The following NKAIN3 variants were observed in gnomAD, a reference collection of about 807,000 sequenced individuals.
NKAIN3 encodes sodium/potassium-transporting ATPase subunit beta-1-interacting protein 3.
In NKAIN3, 25 loss-of-function variants were observed where a neutral mutation model predicts 30.2. The ratio of observed to expected loss-of-function variants is 0.83; its 90% CI spans 0.60 to 1.16. The LOEUF is 1.16. Ranked by LOEUF, NKAIN3 falls within the 50% of genes most tolerant of loss-of-function variation. The pLI, the probability that NKAIN3 is intolerant of heterozygous loss-of-function variation, is 0.00. For missense variants in NKAIN3, 225 were observed against 254.1 expected, an observed-to-expected ratio of 0.89 and a Z score of 0.78; for synonymous variants, 91 against 89.6, an observed-to-expected ratio of 1.02 and a Z score of -0.09.
chr8:62,870,675 A>C (rs1454304696), intron 4 of NKAIN3, among the ~76,000 whole-genome samples: 12 of 104,908 alleles, frequency 1.1e-4, no homozygotes, highest in East Asian at 9.2e-4. Flanking sequence ...ATAGATATCT[A>C]TATATCTATA....
intron 3 of NKAIN3, among the ~76,000 whole-genome samples, chr8:62,666,811 CTTACCAA>C (rs1165770238): frequency 1.1e-4 from 16 of 152,016 alleles, no homozygotes; most frequent in Non-Finnish European, 2.9e-5. Context: ...GTTCCAGCTC[CTTACCAA>C]AGGAAAGGAG....
At chr8:62,678,358 A>G (rs1339900822) in intron 3 of NKAIN3, among the ~76,000 whole-genome samples, 1 of 152,176 alleles carries the variant, frequency 6.6e-6, no homozygotes, top group Admixed American at 6.5e-5. Context: ...CTGGGTAGAC[A>G]TTTTTAAAAA....
intron 1 of NKAIN3, among the ~76,000 whole-genome samples, chr8:62,275,569 T>G (rs559924520): frequency 6.6e-6 from 1 of 152,220 alleles, no homozygotes; most frequent in African/African-American, 2.4e-5. Flanking sequence ...TTTTCTAGTT[T>G]AAAGACCAGC....
rs575655157 is a variant in NKAIN3 at position 62,994,089 on chromosome 8, G to A, written c.533-5142G>A. On this transcript the variant is annotated intron_variant, in intron 5 of 5. Coordinates refer to the NKAIN3 transcript ENST00000519049. ...CCATGTGTTAACATTAAAGATGCACGTACCCTTTGACCCAGAAATTTTTAG... is the reference window on the plus strand; with the variant it reads ...CCATGTGTTAACATTAAAGATGCACATACCCTTTGACCCAGAAATTTTTAG... 3.3e-5 allele frequency among the ~76,000 whole-genome samples: 5 copies of A among 152,226 alleles called. No homozygotes were observed. In the South Asian group the frequency reaches 8.3e-4, roughly 25 times the overall value.
chr8:62,645,326 T>G (rs1342105735), intron 3 of NKAIN3, among the ~76,000 whole-genome samples: 1 of 152,146 alleles, frequency 6.6e-6, no homozygotes, highest in African/African-American at 2.4e-5. Context: ...ATTCTATATT[T>G]TTGCAGTTTG....
chr8:62,833,924 C>T (rs933521450), intron 4 of NKAIN3, among the ~76,000 whole-genome samples: 1 of 151,618 alleles, frequency 6.6e-6, no homozygotes, highest in Non-Finnish European at 1.5e-5. Flanking sequence ...GAAAAATACT[C>T]AACAAAATGC....
At chr8:62,914,905 T>G (rs1159450171) in intron 4 of NKAIN3, among the ~76,000 whole-genome samples, 1 of 152,000 alleles carries the variant, frequency 6.6e-6, no homozygotes, top group Non-Finnish European at 1.5e-5. Context: ...TCATTTAGGT[T>G]TTAAGCCCCA....
At chr8:62,502,488 T>G (rs1807487390) in intron 1 of NKAIN3, among the ~76,000 whole-genome samples, 1 of 152,136 alleles carries the variant, frequency 6.6e-6, no homozygotes, top group Non-Finnish European at 1.5e-5. Flanking sequence ...CTTCCCCTAC[T>G]TAATTTCTAT....
intron 1 of NKAIN3, among the ~76,000 whole-genome samples, chr8:62,292,758 T>G (rs1204099366): frequency 6.6e-6 from 1 of 152,210 alleles, no homozygotes; most frequent in Non-Finnish European, 1.5e-5. Flanking sequence ...TTCTCTGTAT[T>G]TCCTGAATTT....
At chr8:62,674,874 A>G (rs1375873527) in intron 3 of NKAIN3, among the ~76,000 whole-genome samples, 1 of 152,214 alleles carries the variant, frequency 6.6e-6, no homozygotes, top group African/African-American at 2.4e-5. Flanking sequence ...GCCAATCACA[A>G]AACCGCCACG....
intron 5 of NKAIN3, among the ~76,000 whole-genome samples, chr8:62,939,880 C>T (rs1054558587): frequency 6.6e-6 from 1 of 151,782 alleles, no homozygotes; most frequent in Non-Finnish European, 1.5e-5. Context: ...CAACAACTAG[C>T]ATGATGAATA....
intron 1 of NKAIN3, among the ~76,000 whole-genome samples, chr8:62,361,662 G>A (rs186213614): frequency 6.6e-6 from 1 of 152,258 alleles, no homozygotes; most frequent in East Asian, 1.9e-4. Context: ...TGTACTTAAT[G>A]ACTCATATTC....
chr8:62,995,812 A>C (rs1220289898), intron 5 of NKAIN3, among the ~76,000 whole-genome samples: 1 of 152,110 alleles, frequency 6.6e-6, no homozygotes, highest in East Asian at 1.9e-4. Context: ...AAAATATTTA[A>C]AATATTAGAA....
chr8:62,784,540 G>T (rs1195191889), intron 4 of NKAIN3, among the ~76,000 whole-genome samples: 1 of 151,712 alleles, frequency 6.6e-6, no homozygotes. Context: ...ACCAAAAAAT[G>T]GACAAATTAC....
intron 1 of NKAIN3, among the ~76,000 whole-genome samples, chr8:62,537,873 T>C (rs1585920713): frequency 1.3e-5 from 2 of 152,272 alleles, no homozygotes; most frequent in East Asian, 3.9e-4. Flanking sequence ...TGCTCAACAC[T>C]GGATTTGCAG....
chr8:62,987,639 C>G (rs116104865), downstream of NKAIN3, among the ~76,000 whole-genome samples: 48 of 152,080 alleles, frequency 3.2e-4, no homozygotes, highest in Non-Finnish European at 4.6e-4. Context: ...AGACCTCCCC[C>G]CCATGATTCA....
chr8:62,425,610 T>A (rs1030004870), intron 1 of NKAIN3, among the ~76,000 whole-genome samples: 1 of 151,950 alleles, frequency 6.6e-6, no homozygotes, highest in Non-Finnish European at 1.5e-5. Context: ...TAAAGGAATG[T>A]ATTCTATTTT....
chr8:62,718,689 A>G (rs1346386436), intron 3 of NKAIN3, among the ~76,000 whole-genome samples: 1 of 152,108 alleles, frequency 6.6e-6, no homozygotes, highest in African/African-American at 2.4e-5. Context: ...TGTCATCTAG[A>G]GCAAATTTAT....
At chr8:62,317,792 T>A (rs374890255) in intron 1 of NKAIN3, among the ~76,000 whole-genome samples, 25 of 152,128 alleles carry the variant, frequency 1.6e-4, no homozygotes, top group Non-Finnish European at 2.8e-4. Context: ...ACTTTAAAGT[T>A]GTTTTTTCCA....
Sources: allele counts gnomAD v4.1 joint callset (sites outside exome capture counted in the v4.1 genomes callset), GRCh38; gene constraint gnomAD v4.1.1; transcripts MANE v1.5; gene names NCBI Gene and HGNC (gene_info 2026-07-23, HGNC 2026-07-21).